The following PCDH7 variants were observed in gnomAD, a reference collection of about 807,000 sequenced individuals.
PCDH7 encodes protocadherin 7, also known as protocadherin-7.
Under a neutral mutation model 58.9 loss-of-function variants are expected in PCDH7, and 17 were observed. That is an observed-to-expected ratio of 0.29 (90% CI 0.20 to 0.43). The LOEUF is 0.43. PCDH7 is among the 20% of genes least tolerant of loss of function. The pLI, the probability that PCDH7 is intolerant of heterozygous loss-of-function variation, is 1.00. For missense variants in PCDH7, 1,274 were observed against 1,441.0 expected (o/e 0.88, Z 1.88); for synonymous variants, 664 against 616.4 (o/e 1.08, Z -1.14).
intron 1 of PCDH7, among the ~76,000 whole-genome samples, chr4:30,888,134 A>G (rs1480830470): frequency 6.6e-6 from 1 of 152,096 alleles, no homozygotes; most frequent in Non-Finnish European, 1.5e-5. Context: ...TCTGCCTCCC[A>G]AAGTTCTAGG....
intron 3 of PCDH7, among the ~76,000 whole-genome samples, chr4:31,015,637 C>T (rs1753550594): frequency 6.6e-6 from 1 of 152,088 alleles, no homozygotes; most frequent in Admixed American, 6.6e-5. Context: ...CCCTCATAAG[C>T]CTTTACCCAT....
chr4:30,923,835 G>A (rs1334921179), intron 2 of PCDH7, among the ~76,000 whole-genome samples: 1 of 152,016 alleles, frequency 6.6e-6, no homozygotes, highest in Non-Finnish European at 1.5e-5. Context: ...TGAGGAAATT[G>A]GTTATTTGTT....
At chr4:30,737,127 G>A (rs772221701), downstream of PCDH7, among the ~76,000 whole-genome samples, 28 of 152,158 alleles carry the variant, frequency 1.8e-4, no homozygotes, top group South Asian at 2.1e-3. Flanking sequence ...TGGCTGGTGT[G>A]ACCTTGTGAA....
chr4:31,132,375 T>C (rs1234923791), intron 3 of PCDH7, among the ~76,000 whole-genome samples: 1 of 152,142 alleles, frequency 6.6e-6, no homozygotes, highest in African/African-American at 2.4e-5. Flanking sequence ...CCAAAGGTGA[T>C]ATTCTTACAG....
At chr4:30,788,293 G>A (rs1256024055) in intron 1 of PCDH7, among the ~76,000 whole-genome samples, 19 of 152,006 alleles carry the variant, frequency 1.2e-4, no homozygotes, top group Non-Finnish European at 2.2e-4. Flanking sequence ...ACATGTTTTT[G>A]TGTAGTCACC....
chr4:30,850,791 T>C (rs1194651962), intron 1 of PCDH7, among the ~76,000 whole-genome samples: 1 of 152,084 alleles, frequency 6.6e-6, no homozygotes, highest in Non-Finnish European at 1.5e-5. Flanking sequence ...CCTTGCGTTT[T>C]TGGTTAGCTA....
intron 3 of PCDH7, among the ~76,000 whole-genome samples, chr4:30,956,631 A>G (rs1412261745): frequency 2.6e-5 from 4 of 152,226 alleles, no homozygotes; most frequent in Non-Finnish European, 5.9e-5. Flanking sequence ...ATAGAACATA[A>G]AGCATTCACA....
intron 3 of PCDH7, among the ~76,000 whole-genome samples, chr4:31,016,714 A>G (rs1311277294): frequency 6.6e-6 from 1 of 152,212 alleles, no homozygotes; most frequent in African/African-American, 2.4e-5. Context: ...GGATAATTTC[A>G]TTGAAAAGAC....
chr4:31,060,957 T>A (rs1393880263), intron 3 of PCDH7, among the ~76,000 whole-genome samples: 1 of 151,776 alleles, frequency 6.6e-6, no homozygotes, highest in African/African-American at 2.4e-5. Context: ...CAAGATGGGT[T>A]GTTAAGTAAC....
In PCDH7 at chr4:30,951,752, C is replaced by A. The variant is rs575085517; in HGVS notation, c.*7+1537C>A. Among the ~76,000 whole-genome samples the A allele has an allele frequency of 6.6e-5, 10 of 152,158 alleles. No homozygotes were observed. In the East Asian group the frequency reaches 1.5e-3, roughly 24 times the overall value. On this transcript the variant is annotated intron_variant, in intron 3 of 3. Coordinates refer to the PCDH7 transcript ENST00000509759. The stretch of plus-strand genomic sequence containing the variant: ...TCATTTTATGTAATAGGTAAGAAAA[C>A]TGAGAGGTGGCGAAGTTGAGAGGGG...
intron 3 of PCDH7, among the ~76,000 whole-genome samples, chr4:31,040,475 T>C (rs1420351096): frequency 3.3e-5 from 5 of 152,240 alleles, no homozygotes; most frequent in Non-Finnish European, 7.3e-5. Flanking sequence ...CACTTAAAAT[T>C]TGTACATGTA....
chr4:31,066,881 T>C (rs1758137933), intron 3 of PCDH7, among the ~76,000 whole-genome samples: 1 of 151,850 alleles, frequency 6.6e-6, no homozygotes. Context: ...ATAAATCCAT[T>C]AATTTAATTC....
chr4:30,807,728 A>G (rs1726415374), intron 1 of PCDH7, among the ~76,000 whole-genome samples: 1 of 152,184 alleles, frequency 6.6e-6, no homozygotes, highest in Non-Finnish European at 1.5e-5. Flanking sequence ...AACCCAGCAC[A>G]TACTATCATA....
downstream of PCDH7, among the ~76,000 whole-genome samples, chr4:30,735,503 T>C (rs371520892): frequency 6.6e-6 from 1 of 152,146 alleles, no homozygotes; most frequent in East Asian, 1.9e-4. Flanking sequence ...TCCTTTAAAG[T>C]GTAACTGACC....
At chr4:31,000,336 A>C (rs1012532026) in intron 3 of PCDH7, among the ~76,000 whole-genome samples, 1 of 152,148 alleles carries the variant, frequency 6.6e-6, no homozygotes, top group East Asian at 1.9e-4. Flanking sequence ...TACTCTCGCT[A>C]TAGGAAAGTC....
At chr4:30,831,976 A>C (rs1301684737) in intron 1 of PCDH7, among the ~76,000 whole-genome samples, 2 of 152,158 alleles carry the variant, frequency 1.3e-5, no homozygotes, top group Non-Finnish European at 2.9e-5. Context: ...GCCACCACTC[A>C]TTGAGATCTA....
In PCDH7 at chr4:30,816,255, T is replaced by A. The variant is rs925645995; in HGVS notation, c.70+91659T>A. On this transcript the variant is annotated intron_variant, in intron 1 of 3. Coordinates refer to the PCDH7 transcript ENST00000509759. ...TAAAGAAATTCAAATGATGTCATGT[T>A]CTCTCTTGAGTTTTTGTATAATGCT... Among the ~76,000 whole-genome samples the A allele has an allele frequency of 2.0e-5, 3 of 152,194 alleles. No homozygotes were observed. The East Asian group carries it at 5.8e-4, about 29-fold the overall frequency.
At chr4:30,800,422 C>T (rs1411710898) in intron 1 of PCDH7, among the ~76,000 whole-genome samples, 1 of 151,890 alleles carries the variant, frequency 6.6e-6, no homozygotes, top group Non-Finnish European at 1.5e-5. Flanking sequence ...TGAAGTATCA[C>T]CAGAGAGCTA....
chr4:31,066,726 C>T (rs1758125641), intron 3 of PCDH7, among the ~76,000 whole-genome samples: 1 of 151,806 alleles, frequency 6.6e-6, no homozygotes, highest in Admixed American at 6.6e-5. Flanking sequence ...ACTTAACATC[C>T]CAAATATGCT....
Sources: gnomAD v4.1 joint callset for allele counts (sites outside exome capture counted in the v4.1 genomes callset) on GRCh38, gnomAD v4.1.1 for gene constraint, MANE v1.5 for transcripts, NCBI Gene and HGNC (gene_info 2026-07-23, HGNC 2026-07-21) for gene names.